The following SVOPL variants were observed in gnomAD, a reference collection of about 807,000 sequenced individuals.
SVOPL encodes the protein putative transporter SVOPL.
SVOPL carries 60 observed loss-of-function variants against 61.0 expected under a neutral mutation model. The ratio of observed to expected loss-of-function variants is 0.98; its 90% CI spans 0.80 to 1.22. The LOEUF is 1.22. Among genes scored for constraint, SVOPL ranks in the 50% most tolerant of loss-of-function variants. The pLI, the probability that SVOPL is intolerant of heterozygous loss-of-function variation, is 0.00. For missense variants in SVOPL, 662 were observed against 643.9 expected (o/e 1.03, Z -0.30); for synonymous variants, 279 against 250.0 (o/e 1.12, Z -1.09).
chr7:138,624,749 G>A (rs1397381656), intron 13 of SVOPL, among the ~76,000 whole-genome samples: 1 of 149,884 alleles, frequency 6.7e-6, no homozygotes, highest in Non-Finnish European at 1.5e-5. Context: ...CCAGGCTGGA[G>A]TGCAGTGGTG....
intron 4 of SVOPL, among the ~76,000 whole-genome samples, chr7:138,670,886 T>A (rs1406205785): frequency 1.3e-5 from 2 of 152,058 alleles, no homozygotes; most frequent in Non-Finnish European, 1.5e-5. Flanking sequence ...CTCTCCACCC[T>A]CCACAGCATT....
chr7:138,666,783 T>C (rs951151226), intron 4 of SVOPL, among the ~76,000 whole-genome samples: 2 of 152,192 alleles, frequency 1.3e-5, no homozygotes, highest in Non-Finnish European at 2.9e-5. Flanking sequence ...ATGTGATGTA[T>C]GTTACAAACG....
Position 138,660,956 on chromosome 7 carries a change from G to A in SVOPL, c.346-968C>T, listed in dbSNP as rs1295796888. The A allele has an allele frequency of 4.1e-6, 4 of 983,050 alleles. No homozygotes were observed. The South Asian group carries it at 1.9e-4, about 46-fold the overall frequency. 60.9% of individuals were successfully genotyped at this position (983,050 alleles called of 1,614,324 possible). ...ATAAGGAAAAATTATATCTTGCTAT[G>A]TATTTTGTTTTTGATAACTCCTGTA... On this transcript the variant is annotated intron_variant, in intron 5 of 15. Transcript: ENST00000674285.
intron 14 of SVOPL, among the ~76,000 whole-genome samples, chr7:138,608,619 TGTGA>T (rs1349465526): frequency 2.6e-5 from 4 of 152,122 alleles, no homozygotes; most frequent in East Asian, 1.9e-4. Context: ...CTCTGTGAAA[TGTGA>T]GTAAGTTGGA....
chr7:138,616,018 A>T (rs1799284663), intron 14 of SVOPL, among the ~76,000 whole-genome samples: 1 of 152,210 alleles, frequency 6.6e-6, no homozygotes, highest in Non-Finnish European at 1.5e-5. Context: ...AGAGACCAGA[A>T]AAAACTCTTT....
chr7:138,664,094 G>T, intron 4 of SVOPL: 1 of 557,020 alleles, frequency 1.8e-6, no homozygotes, highest in Non-Finnish European at 2.3e-6. Flanking sequence ...ACAGAAACCT[G>T]TCCGCTCGCT....
chr7:138,661,684 G>A (rs1265631919), intron 5 of SVOPL: 7 of 908,290 alleles, frequency 7.7e-6, no homozygotes, highest in East Asian at 1.2e-4. Flanking sequence ...TTATTTTAAC[G>A]AACCAATGTA....
chr7:138,641,682 A>AG (rs1348116467), intron 9 of SVOPL, among the ~76,000 whole-genome samples: 3 of 150,142 alleles, frequency 2.0e-5, no homozygotes, highest in Non-Finnish European at 3.0e-5. Flanking sequence ...AAAAAAAAAA[A>AG]AAAAAAGATA....
chr7:138,689,926 C>G (rs1407575721), intron 1 of SVOPL, among the ~76,000 whole-genome samples: 1 of 151,658 alleles, frequency 6.6e-6, no homozygotes, highest in Non-Finnish European at 1.5e-5. Context: ...AAATGATGTC[C>G]TCATAAAATG....
chr7:138,689,309 T>G (rs1031429921), intron 1 of SVOPL: 44 of 1,592,226 alleles, frequency 2.8e-5, no homozygotes, highest in Admixed American at 8.4e-5. Context: ...TAGATGTAGA[T>G]TCTCTGGTCA....
intron 9 of SVOPL, among the ~76,000 whole-genome samples, chr7:138,639,916 T>A (rs1584817249): frequency 1.3e-4 from 1 of 7,542 alleles, no homozygotes; most frequent in South Asian, 4.0e-3. Flanking sequence ...CTATGCCTGT[T>A]TTTTTTTTTT....
At chr7:138,600,796 T>G (rs554225684) in intron 14 of SVOPL, among the ~76,000 whole-genome samples, 2 of 152,130 alleles carry the variant, frequency 1.3e-5, no homozygotes, top group Non-Finnish European at 2.9e-5. Context: ...ATACATCACC[T>G]CACATGTCTA....
At chr7:138,629,123 ATATATGTGTGTG>A (rs1359305157) in intron 10 of SVOPL, among the ~76,000 whole-genome samples, 5 of 78,324 alleles carry the variant, frequency 6.4e-5, no homozygotes, top group African/African-American at 3.2e-4. Context: ...AGCATGTTTT[ATATATGTGTGTG>A]TGTGTGTGTG....
At chr7:138,693,667 G>A (rs888871198) in intron 1 of SVOPL, among the ~76,000 whole-genome samples, 11 of 151,408 alleles carry the variant, frequency 7.3e-5, no homozygotes, top group Non-Finnish European at 1.5e-4. Flanking sequence ...GAGAGAGGGA[G>A]GGAGGGAGCG....
At chr7:138,618,257 G>A (rs1799389292) in intron 14 of SVOPL, among the ~76,000 whole-genome samples, 1 of 152,164 alleles carries the variant, frequency 6.6e-6, no homozygotes, top group South Asian at 2.1e-4. Flanking sequence ...CATTTACCGA[G>A]TGCTTACTGT....
chr7:138,671,953 A>G, intron 4 of SVOPL, 66 bp downstream of exon 4: 1 of 1,440,570 alleles, frequency 6.9e-7, no homozygotes, highest in East Asian at 2.5e-5. Context: ...TCAGCCCTGC[A>G]GGATGGAGGA....
At chr7:138,636,000 C>T (rs2116952301) in intron 9 of SVOPL, among the ~76,000 whole-genome samples, 1 of 152,272 alleles carries the variant, frequency 6.6e-6, no homozygotes, top group East Asian at 1.9e-4. Flanking sequence ...CTTACTGCAA[C>T]CTCCTCCTCC....
At chr7:138,636,228 G>A (rs1280047714) in intron 9 of SVOPL, among the ~76,000 whole-genome samples, 2 of 151,926 alleles carry the variant, frequency 1.3e-5, no homozygotes, top group Non-Finnish European at 2.9e-5. Context: ...GGGCCCGGCT[G>A]AAAAATAATA....
intron 14 of SVOPL, among the ~76,000 whole-genome samples, chr7:138,614,830 T>C (rs1400352165): frequency 6.6e-6 from 1 of 152,208 alleles, no homozygotes; most frequent in Non-Finnish European, 1.5e-5. Flanking sequence ...GAGTCACAAA[T>C]GGGCTTTTCC....
Sources: allele counts gnomAD v4.1 joint callset (sites outside exome capture counted in the v4.1 genomes callset), GRCh38; gene constraint gnomAD v4.1.1; transcripts MANE v1.5; gene names NCBI Gene and HGNC (gene_info 2026-07-23, HGNC 2026-07-21).